The following AFDN variants were observed in gnomAD, a reference collection of about 807,000 sequenced individuals.
The protein encoded by AFDN is afadin.
Under a neutral mutation model 216.6 loss-of-function variants are expected in AFDN, and 68 were observed. That is an observed-to-expected ratio of 0.31 (90% confidence interval 0.26 to 0.38). The LOEUF (loss-of-function observed/expected upper bound fraction) is 0.38. Among genes scored for constraint, AFDN ranks in the 10% least tolerant of loss-of-function variants. The pLI, the probability that AFDN is intolerant of heterozygous loss-of-function variation, is 1.00. For missense variants in AFDN, 2,136 were observed against 2,342.0 expected (o/e 0.91, Z 1.82); for synonymous variants, 868 against 853.7 (o/e 1.02, Z -0.29).
At chr6:167,905,131 C>G (rs900520181) in intron 12 of AFDN, among the ~76,000 whole-genome samples, 5 of 152,158 alleles carry the variant, frequency 3.3e-5, no homozygotes. Context: ...AGCTTAAAGC[C>G]ACATTCCTGA....
At chr6:167,857,948 T>A (rs1294976252) in intron 1 of AFDN, among the ~76,000 whole-genome samples, 2 of 152,222 alleles carry the variant, frequency 1.3e-5, no homozygotes, top group African/African-American at 2.4e-5. Context: ...AAGATTATGA[T>A]TGAGTTATAA....
chr6:167,939,892 T>G (rs1794475450), intron 23 of AFDN, among the ~76,000 whole-genome samples: 1 of 152,248 alleles, frequency 6.6e-6, no homozygotes, highest in African/African-American at 2.4e-5. Context: ...TATGTATTAT[T>G]CTTTTCTAAG....
At chr6:167,862,628 G>T (rs1783724008) in intron 1 of AFDN, among the ~76,000 whole-genome samples, 2 of 152,174 alleles carry the variant, frequency 1.3e-5, no homozygotes, top group East Asian at 1.9e-4. Context: ...GCCCACCTCG[G>T]CCTCCCGAAG....
intron 23 of AFDN, among the ~76,000 whole-genome samples, chr6:167,933,347 C>T (rs1793565096): frequency 1.3e-5 from 2 of 152,274 alleles, no homozygotes; most frequent in South Asian, 2.1e-4. Context: ...TTCCTATGCC[C>T]TAAAAATGAG....
At position 167,951,613 on chromosome 6, in the gene AFDN, A is replaced by G; in HGVS notation, c.4259A>G (p.Glu1420Gly). 6.2e-7 allele frequency: 1 copy of G among 1,614,036 alleles called. No individual in the cohort carries two copies. The highest frequency in any genetic ancestry group is 8.5e-7 in the Non-Finnish European group (1 of 1,180,014). Residue 1420 changes from glutamate (E) to glycine (G), a missense_variant, in exon 30 of 34, where the codon GAA (glutamate) becomes GGA (glycine). Around this residue, in one of 8 missense-constraint regions of AFDN, gnomAD observed 981 missense variants for 966.0 expected, o/e 1.02. Coordinates refer to ENST00000683244, the MANE Select transcript of AFDN (RefSeq NM_001386888.1). The surrounding 1 kb of genome is among the most constrained non-coding windows in gnomAD (Gnocchi z 7.1). ...QVAAAERRKR[E>G]EHQRWYEKEK... Reference sequence around the variant, plus strand: ...GCTGCTGCTGAACGGAGAAAGAGAGAAGAACATCAGCGTTGGTATGAGAAG... The same window carrying G: ...GCTGCTGCTGAACGGAGAAAGAGAGGAGAACATCAGCGTTGGTATGAGAAG...
chr6:167,879,906 T>C (rs1785898060), intron 5 of AFDN, among the ~76,000 whole-genome samples: 2 of 152,188 alleles, frequency 1.3e-5, no homozygotes, highest in Non-Finnish European at 2.9e-5. Context: ...TATTTAACTT[T>C]ATCTGGGTTT....
At chr6:167,864,995 C>T in intron 2 of AFDN, 1 of 609,146 alleles carries the variant, frequency 1.6e-6, no homozygotes. Context: ...CTTATTTCTC[C>T]AAAGATAAGT....
At chr6:167,916,937 A>C in intron 19 of AFDN, 152 bp from the exon 20 acceptor site, 1 of 660,780 alleles carries the variant, frequency 1.5e-6, no homozygotes, top group Non-Finnish European at 2.5e-6. Flanking sequence ...TAATGTATAT[A>C]GTTACTGTAA....
rs754463627 is a variant in AFDN at position 167,872,272 on chromosome 6, A to G, written c.473A>G (p.Lys158Arg). ...AAAGAAGGGGTTATCCAGAACTTCA[A>G]GAGAACTCTCTCAAAGAAAGAAAAG... The part of the protein sequence containing the change: ...QEKEGVIQNF[K>R]RTLSKKEKKE... The change falls in exon 4 of 34, where the codon AAG (lysine) becomes AGG (arginine). Residue 158 changes from lysine to arginine, a missense_variant. Transcript: ENST00000683244. The G allele has an allele frequency of 5.0e-6, 8 of 1,613,904 alleles. No individual in the cohort carries two copies. In the Admixed American group the frequency reaches 1.2e-4, roughly 24 times the overall value.
chr6:167,880,606 C>T, intron 6 of AFDN, 89 bp downstream of exon 6: 1 of 1,268,918 alleles, frequency 7.9e-7, no homozygotes, highest in Non-Finnish European at 1.1e-6. Context: ...AGATTTTCAG[C>T]CTACCATATC....
chr6:167,829,518 A>G (rs1353932633), intron 1 of AFDN, among the ~76,000 whole-genome samples: 1 of 152,124 alleles, frequency 6.6e-6, no homozygotes, highest in African/African-American at 2.4e-5. Context: ...AGTTTTCTGC[A>G]AGAACAGAAG....
At chr6:167,831,310 A>G (rs1358774375) in intron 1 of AFDN, among the ~76,000 whole-genome samples, 7 of 152,166 alleles carry the variant, frequency 4.6e-5, no homozygotes. Context: ...AATGAGATGG[A>G]TGATTGCCAA....
intron 1 of AFDN, among the ~76,000 whole-genome samples, chr6:167,831,428 G>C (rs1440517020): frequency 6.6e-6 from 1 of 152,062 alleles, no homozygotes; most frequent in African/African-American, 2.4e-5. Flanking sequence ...TTAATAACTG[G>C]TTACGTTTTA....
At chr6:167,834,457 GTTTTTTTTTT>G (rs11446838) in intron 1 of AFDN, among the ~76,000 whole-genome samples, 2 of 75,256 alleles carry the variant, frequency 2.7e-5, no homozygotes, top group Non-Finnish European at 4.7e-5. Flanking sequence ...TGTTGTTTCG[GTTTTTTTTTT>G]TTTTTTTTTT....
intron 1 of AFDN, among the ~76,000 whole-genome samples, chr6:167,837,403 A>G (rs546115802): frequency 6.9e-6 from 1 of 145,056 alleles, no homozygotes; most frequent in South Asian, 2.2e-4. Flanking sequence ...TTTTTTTAAC[A>G]TTTTATTTTA....
chr6:167,929,176 T>C (rs1353879882), intron 23 of AFDN, among the ~76,000 whole-genome samples: 1 of 151,982 alleles, frequency 6.6e-6, no homozygotes, highest in South Asian at 2.1e-4. Flanking sequence ...TCAGAAAGAC[T>C]ATTACTGCCT....
chr6:167,844,269 GGCTCAAGCAATCCTCCT>G (rs1250233906), intron 1 of AFDN, among the ~76,000 whole-genome samples: 1 of 150,820 alleles, frequency 6.6e-6, no homozygotes, highest in Non-Finnish European at 1.5e-5. Flanking sequence ...TTAAATCCTG[GGCTCAAGCAATCCTCCT>G]GCCTCCCAAA....
intron 1 of AFDN, among the ~76,000 whole-genome samples, chr6:167,829,007 C>T (rs1424930188): frequency 6.6e-6 from 1 of 151,984 alleles, no homozygotes; most frequent in East Asian, 1.9e-4. Flanking sequence ...ATTTGGAAAG[C>T]TGTTTTTTCA....
intron 2 of AFDN, 99 bp from the exon 3 acceptor site, chr6:167,870,287 T>C (rs574153818): frequency 1.4e-3 from 931 of 685,018 alleles, no homozygotes; most frequent in Non-Finnish European, 1.6e-3. Flanking sequence ...AAGTAGGTGC[T>C]TTGTCTATAA....
Sources: gnomAD v4.1 joint callset for allele counts (sites outside exome capture counted in the v4.1 genomes callset) on GRCh38, gnomAD v4.1.1 for gene constraint, gnomAD v4.1.1 regional missense constraint, Gnocchi (gnomAD v3.1) non-coding constraint, MANE v1.5 for transcripts, NCBI Gene and HGNC (gene_info 2026-07-23, HGNC 2026-07-21) for gene names.